Variants in ACACA observed in about 807,000 individuals in gnomAD.
The protein encoded by ACACA is acetyl-CoA carboxylase 1.
A neutral mutation model predicts 296.1 loss-of-function variants in ACACA; 103 were observed. The observed-to-expected ratio is 0.35, with a 90% CI of 0.30 to 0.41. The LOEUF (loss-of-function observed/expected upper bound fraction) is 0.41. Ranked by LOEUF, ACACA falls within the 10% of genes least tolerant of loss-of-function variation. The pLI is 1.00. For missense variants in ACACA, 1,554 were observed against 2,989.7 expected (o/e 0.52, Z 11.20); for synonymous variants, 953 against 1,038.6 (o/e 0.92, Z 1.58).
intron 38 of ACACA, among the ~76,000 whole-genome samples, 154 bp from the exon 39 acceptor site, chr17:37,188,634 C>T (rs931134626): frequency 6.6e-6 from 1 of 152,010 alleles, no homozygotes; most frequent in South Asian, 2.1e-4. Context: ...ATAGTTTCTC[C>T]CCAAACTATT....
At chr17:37,205,674 A>T (rs1598170670) in intron 33 of ACACA, 91 bp downstream of exon 33, 1 of 999,562 alleles carries the variant, frequency 1.0e-6, no homozygotes, top group Non-Finnish European at 1.6e-6. Context: ...TAAAAGACAT[A>T]GCCATAAACT....
chr17:37,401,561 CT>C (rs34680925), intron 1 of ACACA, among the ~76,000 whole-genome samples: 96,722 of 137,998 alleles, frequency 0.7, 34,135 homozygotes, highest in East Asian at 0.95. Flanking sequence ...GTCTCTTTAC[CT>C]TTTTTTTTTT....
chr17:37,149,304 G>A (rs1197829420), intron 45 of ACACA, among the ~76,000 whole-genome samples: 1 of 152,024 alleles, frequency 6.6e-6, no homozygotes, highest in Non-Finnish European at 1.5e-5. Flanking sequence ...CTATATACAA[G>A]AGACCACCAT....
intron 1 of ACACA, among the ~76,000 whole-genome samples, chr17:37,382,926 A>G (rs746505138): frequency 1.3e-5 from 2 of 152,134 alleles, no homozygotes; most frequent in African/African-American, 4.8e-5. Context: ...AGTCCCAGCT[A>G]CTCGGGAGGC....
intron 35 of ACACA, among the ~76,000 whole-genome samples, chr17:37,199,882 A>AT (rs951973488): frequency 6.6e-6 from 1 of 151,526 alleles, no homozygotes; most frequent in Non-Finnish European, 1.5e-5. Flanking sequence ...ATTAAAAAAA[A>AT]TTTTTTTTTA....
At chr17:37,255,662 T>C (rs960246058) in intron 14 of ACACA, among the ~76,000 whole-genome samples, 3 of 152,198 alleles carry the variant, frequency 2.0e-5, no homozygotes, top group Admixed American at 2.0e-4. Context: ...TGAGGCAGAC[T>C]GAATAGGAGC....
At chr17:37,292,881 C>T (rs2083139558) in intron 3 of ACACA, among the ~76,000 whole-genome samples, 1 of 151,982 alleles carries the variant, frequency 6.6e-6, no homozygotes, top group African/African-American at 2.4e-5. Flanking sequence ...AAGAAATTGA[C>T]TCTAGGCAAA....
intron 1 of ACACA, among the ~76,000 whole-genome samples, chr17:37,354,456 T>G (rs186773634): frequency 6.6e-6 from 1 of 152,246 alleles, no homozygotes; most frequent in African/African-American, 2.4e-5. Context: ...AGAGAACACT[T>G]AAATGAGATT....
At chr17:37,140,291 A>G (rs1025292963) in intron 45 of ACACA, among the ~76,000 whole-genome samples, 2 of 152,236 alleles carry the variant, frequency 1.3e-5, no homozygotes, top group Non-Finnish European at 2.9e-5. Flanking sequence ...AAAATTAAAA[A>G]AAATTTTAAA....
At chr17:37,286,028 A>G (rs1252974299) in intron 3 of ACACA, among the ~76,000 whole-genome samples, 1 of 151,958 alleles carries the variant, frequency 6.6e-6, no homozygotes, top group African/African-American at 2.4e-5. Context: ...AGTAGCTGAG[A>G]CTGTAGGCGC....
intron 43 of ACACA, among the ~76,000 whole-genome samples, chr17:37,152,500 A>G (rs1229908139): frequency 2.6e-5 from 4 of 152,190 alleles, no homozygotes; most frequent in African/African-American, 4.8e-5. Context: ...TCCTTCATAA[A>G]TATCAAGTAT....
chr17:37,085,441 C>T lies in ACACA; in HGVS notation c.*1875G>A. 2.5e-6 allele frequency: 1 copy of T among 396,322 alleles called. No homozygotes were observed. The highest frequency in any genetic ancestry group is 4.4e-6 in the Non-Finnish European group (1 of 225,178). The allele number at this position is 396,322 out of a possible 1,614,324, so 24.6% of individuals were successfully genotyped here. A position where few individuals can be genotyped will look rare whatever the true frequency, so the allele number is the denominator to read the frequency against. ...GACAGGCCTCCTGGGGGGTGCAGGA[C>T]TTCATACCACTTGTAGATATGTGGG... On this transcript the variant is annotated 3_prime_UTR_variant, in exon 56 of 56. Coordinates refer to ENST00000616317, the MANE Select transcript of ACACA (RefSeq NM_198834.3).
chr17:37,301,053 A>G (rs1389915032), intron 3 of ACACA, among the ~76,000 whole-genome samples: 1 of 152,220 alleles, frequency 6.6e-6, no homozygotes, highest in Non-Finnish European at 1.5e-5. Context: ...TCACCATTCA[A>G]AAATGCAAAT....
At chr17:37,151,625 T>C (rs1016607186) in intron 43 of ACACA, among the ~76,000 whole-genome samples, 1 of 152,172 alleles carries the variant, frequency 6.6e-6, no homozygotes, top group Non-Finnish European at 1.5e-5. Context: ...AGCAACATGG[T>C]TTAATAGAAA....
At chr17:37,276,365 CT>C (rs963072451) in intron 7 of ACACA, among the ~76,000 whole-genome samples, 2 of 152,132 alleles carry the variant, frequency 1.3e-5, no homozygotes, top group African/African-American at 4.8e-5. Context: ...TCAATAAAGT[CT>C]TCTTTTTTAA....
chr17:37,264,041 T>C, intron 10 of ACACA, 147 bp from the exon 11 acceptor site: 1 of 662,992 alleles, frequency 1.5e-6, no homozygotes, highest in South Asian at 1.8e-5. Context: ...CTGAATAAAA[T>C]ACAGTCCATG....
intron 1 of ACACA, chr17:37,392,703 C>T (rs2050932411): frequency 1.3e-5 from 2 of 152,174 alleles, no homozygotes; most frequent in Admixed American, 6.5e-5. Flanking sequence ...CTTTCTTTCA[C>T]TTCAAGTGCT....
chr17:37,188,258 G>A lies in ACACA; in HGVS notation c.4776+19C>T. On this transcript the variant is annotated intron_variant, in intron 39 of 55. Coordinates refer to ENST00000616317, the MANE Select transcript of ACACA (RefSeq NM_198834.3). The stretch of plus-strand genomic sequence containing the variant: ...TAGGACCAAATCAAAACTCTGAGGA[G>A]CCTGTTTGAGTATTGTACCTGTGCT... 6.2e-7 allele frequency: 1 copy of A among 1,610,742 alleles called. No homozygotes were observed. Among genetic ancestry groups the A allele is most frequent in the Non-Finnish European group, 8.5e-7 (1 of 1,177,498 alleles).
At chr17:37,242,976 A>C (rs1567870048) in intron 22 of ACACA, among the ~76,000 whole-genome samples, 1 of 151,720 alleles carries the variant, frequency 6.6e-6, no homozygotes, top group Non-Finnish European at 1.5e-5. Context: ...CAGGGGTTGC[A>C]GTGAGCCGAG....
Sources: gnomAD v4.1 joint callset for allele counts (sites outside exome capture counted in the v4.1 genomes callset) on GRCh38, gnomAD v4.1.1 for gene constraint, MANE v1.5 for transcripts, NCBI Gene and HGNC (gene_info 2026-07-23, HGNC 2026-07-21) for gene names.